PAFAH1B2: variants seen among roughly 807,000 people sequenced by gnomAD.
PAFAH1B2 encodes the protein platelet activating factor acetylhydrolase 1b catalytic subunit 2.
In PAFAH1B2, 8 loss-of-function variants were observed where a neutral mutation model predicts 28.0. The ratio of observed to expected loss-of-function variants is 0.29; its 90% CI spans 0.17 to 0.52. PAFAH1B2 has a LOEUF of 0.52. Among genes scored for constraint, PAFAH1B2 ranks in the 20% least tolerant of loss-of-function variants. The pLI is 0.97. For missense variants in PAFAH1B2, 190 were observed against 282.6 expected (o/e 0.67, Z 2.35); for synonymous variants, 104 against 103.2 (o/e 1.01, Z -0.05).
At chr11:117,144,800 C>G (rs12419272) in intron 1 of PAFAH1B2, among the ~76,000 whole-genome samples, 8,420 of 152,096 alleles carry the variant, frequency 0.055, 290 homozygotes, top group East Asian at 0.13. Flanking sequence ...CTTGCGCACC[C>G]CAGCTCGCCC....
At position 117,144,371 on chromosome 11, in the gene PAFAH1B2, C is replaced by T; in HGVS notation, c.-55C>T. On this transcript the variant is annotated 5_prime_UTR_variant, in exon 1 of 6. Transcript: ENST00000527958. ...GACCGAGCGAGCGACCGACGCGCCACCCGCCGACGCCTCAGCCGCTTGGGG... is the reference window on the plus strand; with the variant it reads ...GACCGAGCGAGCGACCGACGCGCCATCCGCCGACGCCTCAGCCGCTTGGGG... The T allele has an allele frequency of 2.4e-6, 1 of 420,144 alleles. No individual in the cohort carries two copies. The highest frequency in any genetic ancestry group is 4.8e-6 in the Non-Finnish European group (1 of 206,374). 26.0% of individuals were successfully genotyped at this position (420,144 alleles called of 1,614,324 possible).
At chr11:117,151,167 A>G (rs1158566151) in intron 1 of PAFAH1B2, among the ~76,000 whole-genome samples, 1 of 150,720 alleles carries the variant, frequency 6.6e-6, no homozygotes, top group African/African-American at 2.4e-5. Flanking sequence ...AGCAGTTCTA[A>G]TTTTGCGGAA....
chr11:117,164,377 A>G (rs1956449269), intron 5 of PAFAH1B2, among the ~76,000 whole-genome samples: 1 of 150,194 alleles, frequency 6.7e-6, no homozygotes, highest in Non-Finnish European at 1.5e-5. Flanking sequence ...ACTGCACTCC[A>G]GCCTGGGTGA....
At position 117,170,119 on chromosome 11, in the gene PAFAH1B2, T is replaced by C; in HGVS notation, c.*2420T>C. The stretch of plus-strand genomic sequence containing the variant: ...TTTTTGCCAGATTTCTTTGCACTAC[T>C]TTAGGTAAAAATAGTTAATCTATTT... On this transcript the variant is annotated 3_prime_UTR_variant, in exon 6 of 6. Coordinates refer to ENST00000527958, the MANE Select transcript of PAFAH1B2 (RefSeq NM_002572.4). 2 of 1,055,128 alleles carry C rather than the reference T, an allele frequency of 1.9e-6. No individual in the cohort carries two copies. Among genetic ancestry groups the C allele is most frequent in the Non-Finnish European group, 2.3e-6 (2 of 872,974 alleles). The allele number at this position is 1,055,128 out of a possible 1,614,324, so 65.4% of individuals were successfully genotyped here.
chr11:117,161,297 T>G, intron 4 of PAFAH1B2, 36 bp downstream of exon 4: 2 of 1,287,080 alleles, frequency 1.6e-6, no homozygotes, highest in Non-Finnish European at 2.2e-6. Flanking sequence ...TCATTAATCT[T>G]AAGTCTGTTT....
chr11:117,175,772 A>C (rs1591761867), downstream of PAFAH1B2: 1 of 1,089,600 alleles, frequency 9.2e-7, no homozygotes, highest in East Asian at 2.6e-5. Context: ...TCTTGCCCCA[A>C]AGTTATGAGG....
chr11:117,175,130 C>T, downstream of PAFAH1B2: 1 of 1,226,474 alleles, frequency 8.2e-7, no homozygotes, highest in East Asian at 3.5e-5. Context: ...GTCAAATAAG[C>T]CTTATGGCCC....
chr11:117,148,973 T>A (rs931551126), intron 1 of PAFAH1B2, among the ~76,000 whole-genome samples: 25 of 151,538 alleles, frequency 1.6e-4, no homozygotes, highest in Non-Finnish European at 2.2e-4. Flanking sequence ...GCTCGAGCGA[T>A]TCTCCTCCCT....
At chr11:117,154,291 GAAGGA>G (rs1292835250) in intron 2 of PAFAH1B2, among the ~76,000 whole-genome samples, 3 of 151,998 alleles carry the variant, frequency 2.0e-5, no homozygotes, top group Admixed American at 1.3e-4. Flanking sequence ...AGTTCAAGAC[GAAGGA>G]AAGGAAAAGA....
rs977063652 is a variant in PAFAH1B2 at position 117,149,392 on chromosome 11, C to G, written c.-7-3049C>G. Among the ~76,000 whole-genome samples the G allele has an allele frequency of 8.2e-5, 11 of 134,718 alleles. No homozygotes were observed. The East Asian group carries it at 2.4e-3, about 29-fold the overall frequency. The allele number at this position is 134,718 out of a possible 152,430, so 88.4% of individuals were successfully genotyped here. On this transcript the variant is annotated intron_variant, in intron 1 of 5. Transcript: ENST00000527958. ...GCCGCCACACCTGGCTAAAATCTAA[C>G]TTTTTAAAGAATTTAATTTAAAAAA...
At position 117,148,710 on chromosome 11, in the gene PAFAH1B2, C is replaced by A. The variant is rs186007321; in HGVS notation, c.-7-3731C>A. On this transcript the variant is annotated intron_variant, in intron 1 of 5. Coordinates refer to ENST00000527958, the MANE Select transcript of PAFAH1B2 (RefSeq NM_002572.4). Reference sequence around the variant, plus strand: ...AGCTGAGGCAGGAGGATCACTTAAGCCTAGGAGTTTGAATCCAGCCTGGAC... The same window carrying A: ...AGCTGAGGCAGGAGGATCACTTAAGACTAGGAGTTTGAATCCAGCCTGGAC... Among the ~76,000 whole-genome samples the A allele has an allele frequency of 8.5e-5, 13 of 152,154 alleles. No homozygotes were observed. The East Asian group carries it at 2.5e-3, about 30-fold the overall frequency.
In PAFAH1B2 at chr11:117,167,695, C is replaced by T. The variant is rs1956543626; in HGVS notation, c.686C>T (p.Ala229Val). The T allele has an allele frequency of 6.5e-7, 1 of 1,544,294 alleles. No individual in the cohort carries two copies. Among genetic ancestry groups the T allele is most frequent in the Non-Finnish European group, 8.8e-7 (1 of 1,137,810 alleles). The change falls in exon 6 of 6, where the codon GCC becomes GTC. Residue 229 changes from alanine (A) to valine (V), a missense_variant. Physicochemically the swap from Ala to Val is moderately conservative, Grantham distance 64. Coordinates refer to ENST00000527958, the MANE Select transcript of PAFAH1B2 (RefSeq NM_002572.4). ...ETPEEKQTTI[A>V] is the part of the protein sequence containing the mutation. ...CCTGAGGAGAAACAAACCACCATTGCCTGACTGGCTCTTATCAGTGTTAAT... is the reference window on the plus strand; with the variant it reads ...CCTGAGGAGAAACAAACCACCATTGTCTGACTGGCTCTTATCAGTGTTAAT...
At chr11:117,154,742 CT>C (rs774291242) in intron 2 of PAFAH1B2, among the ~76,000 whole-genome samples, 1 of 152,110 alleles carries the variant, frequency 6.6e-6, no homozygotes, top group African/African-American at 2.4e-5. Flanking sequence ...CCGTGCCTGA[CT>C]TTAAAAATCT....
chr11:117,168,074 T>C lies in PAFAH1B2; in HGVS notation c.*375T>C, dbSNP rs560441124. 6 of 1,057,638 alleles carry C rather than the reference T, an allele frequency of 5.7e-6. No homozygotes were observed. The South Asian group carries it at 2.7e-4, about 48-fold the overall frequency. The allele number at this position is 1,057,638 out of a possible 1,614,324, so 65.5% of individuals were successfully genotyped here. The stretch of plus-strand genomic sequence containing the variant: ...TGTGGATTATGTCATATATAATAAT[T>C]ATCAGAATCATTCTACTTGGCTTTA... On this transcript the variant is annotated 3_prime_UTR_variant, in exon 6 of 6. Transcript: ENST00000527958.
intron 4 of PAFAH1B2, 104 bp from the exon 5 acceptor site, chr11:117,163,666 C>G (rs1047046258): frequency 1.8e-6 from 2 of 1,102,848 alleles, no homozygotes; most frequent in African/African-American, 3.6e-5. Context: ...GAGCGAGACC[C>G]CATCTCAAAA....
At chr11:117,171,120 TATC>T (rs1014955385), downstream of PAFAH1B2, 33 of 953,216 alleles carry the variant, frequency 3.5e-5, no homozygotes, top group Non-Finnish European at 3.8e-5. Flanking sequence ...TTCCCTGCCT[TATC>T]ATAAGGAAAT....
Position 117,155,127 on chromosome 11 carries a change from G to GT in PAFAH1B2, c.81+2606dup, listed in dbSNP as rs112709213. ...ACCTCCATGCCCGGCTAATTTTTGT[G>GT]TTTTTTTAGTAGAGACGAGGTTTCC... is the stretch of plus-strand genomic sequence containing the variant. On this transcript the variant is annotated intron_variant, in intron 2 of 5. Coordinates refer to ENST00000527958, the MANE Select transcript of PAFAH1B2 (RefSeq NM_002572.4). Among the ~76,000 whole-genome samples the GT allele has an allele frequency of 4.6e-3, 703 of 152,148 alleles. 7 individuals carry two copies. Among genetic ancestry groups the GT allele is most frequent in the Middle Eastern group, 0.017 (5 of 294 alleles).
downstream of PAFAH1B2, chr11:117,171,755 G>A (rs1444224313): frequency 6.5e-7 from 1 of 1,533,496 alleles, no homozygotes; most frequent in African/African-American, 1.4e-5. Flanking sequence ...CAGTGAGTTG[G>A]TATGCCGGTA....
At position 117,144,308 on chromosome 11, in the gene PAFAH1B2, G is replaced by A; in HGVS notation, c.-118G>A. ...AAGTGGAGGAGCTGCTGCTGGTGCT[G>A]GGGCCGGAGGAGGGACGCGCCGGAG... On this transcript the variant is annotated 5_prime_UTR_variant, in exon 1 of 6. Transcript: ENST00000527958. 1 of 391,134 alleles carries A rather than the reference G, an allele frequency of 2.6e-6. No individual in the cohort carries two copies. The highest frequency in any genetic ancestry group is 5.3e-6 in the Non-Finnish European group (1 of 189,926). 24.2% of individuals were successfully genotyped at this position (391,134 alleles called of 1,614,324 possible).
Sources: gnomAD v4.1 joint callset for allele counts (sites outside exome capture counted in the v4.1 genomes callset) on GRCh38, gnomAD v4.1.1 for gene constraint, MANE v1.5 for transcripts, NCBI Gene and HGNC (gene_info 2026-07-23, HGNC 2026-07-21) for gene names.